Variants in NLRP8 observed in about 807,000 individuals in gnomAD.
NLRP8 encodes the protein NLR family pyrin domain containing 8.
A neutral mutation model predicts 88.7 loss-of-function variants in NLRP8; 86 were observed. The observed-to-expected ratio is 0.97, with a 90% CI of 0.81 to 1.16. The LOEUF (loss-of-function observed/expected upper bound fraction) is 1.16. Ranked by LOEUF, NLRP8 falls within the 50% of genes most tolerant of loss-of-function variation. NLRP8 has a pLI of 0.00. For synonymous variants in NLRP8, 504 were observed against 494.6 expected, an observed-to-expected ratio of 1.02 and a Z score of -0.25; for missense variants, 1,342 against 1,286.5, an observed-to-expected ratio of 1.04 and a Z score of -0.66.
intron 9 of NLRP8, among the ~76,000 whole-genome samples, chr19:55,983,096 C>T (rs1454496720): frequency 6.6e-6 from 1 of 152,126 alleles, no homozygotes; most frequent in Non-Finnish European, 1.5e-5. Context: ...TTCTTGTCTT[C>T]ATTTAAAAGA....
At position 55,988,229 on chromosome 19, in the gene NLRP8, T is replaced by TAAAA. The variant is rs3055401; in HGVS notation, c.*324_*327dup. The TAAAA allele has an allele frequency of 2.8e-4, 42 of 151,188 alleles. No homozygotes were observed. The highest frequency in any genetic ancestry group is 1.2e-3 in the South Asian group (6 of 5,062). 9.4% of individuals were successfully genotyped at this position (151,188 alleles called of 1,614,324 possible). A position where few individuals can be genotyped will look rare whatever the true frequency, so the allele number is the denominator to read the frequency against. On this transcript the variant is annotated 3_prime_UTR_variant, in exon 10 of 10. Coordinates refer to ENST00000291971, the MANE Select transcript of NLRP8 (RefSeq NM_176811.2). Reference sequence around the variant, plus strand: ...CAACATGGTGAAACCCCGCCTCTACTAAAAAAAAAAATACAAAAAATTAGG... The same window carrying TAAAA: ...CAACATGGTGAAACCCCGCCTCTACTAAAAAAAAAAAAAAATACAAAAAATTAGG...
chr19:55,962,342 C>A, intron 4 of NLRP8, 105 bp downstream of exon 4: 2 of 1,245,546 alleles, frequency 1.6e-6, no homozygotes, highest in South Asian at 1.4e-5. Context: ...CCGGAAAGCA[C>A]CCATGTCCAG....
At position 55,956,042 on chromosome 19, in the gene NLRP8, G is replaced by A. The variant is rs371255067; in HGVS notation, c.1984G>A (p.Val662Ile). 92 of 1,613,976 alleles carry A rather than the reference G, an allele frequency of 5.7e-5. No individual in the cohort carries two copies. Among genetic ancestry groups the A allele is most frequent in the African/African-American group, 3.3e-4 (25 of 74,908 alleles). Residue 662 changes from valine (V) to isoleucine (I), a missense_variant, in exon 3 of 10, where the codon GTC (valine) becomes ATC (isoleucine). Transcript: ENST00000291971. ...ATATTTGCATGAGGTGGAACTGACC[G>A]TCACCCTGAACTTCATGAACGTGTG...
At chr19:55,985,648 A>G (rs774130963) in intron 9 of NLRP8, among the ~76,000 whole-genome samples, 11 of 152,252 alleles carry the variant, frequency 7.2e-5, no homozygotes, top group Non-Finnish European at 1.6e-4. Flanking sequence ...AAAACTAATC[A>G]GAAGACCTTC....
At position 55,959,093 on chromosome 19, in the gene NLRP8, T is replaced by C. The variant is rs181904096; in HGVS notation, c.2043-2974T>C. Reference sequence around the variant, plus strand: ...CGGGGTTTCACTGTATTAGCCAGGATGGTCTCGATCTCCTGACCTCATGAT... The same window carrying C: ...CGGGGTTTCACTGTATTAGCCAGGACGGTCTCGATCTCCTGACCTCATGAT... On this transcript the variant is annotated intron_variant, in intron 3 of 9. Transcript: ENST00000291971. Among the ~76,000 whole-genome samples the C allele has an allele frequency of 4.4e-3, 657 of 149,196 alleles. 9 individuals carry two copies. Among genetic ancestry groups the C allele is most frequent in the African/African-American group, 0.015 (597 of 40,308 alleles).
chr19:55,957,670 TAATTATATATA>T (rs1426368056), intron 3 of NLRP8, among the ~76,000 whole-genome samples: 18 of 51,862 alleles, frequency 3.5e-4, no homozygotes, highest in Admixed American at 1.9e-3. Flanking sequence ...GAAAAAATAA[TAATTATATATA>T]TATATATATA....
Position 55,954,796 on chromosome 19 carries a change from A to G in NLRP8, c.738A>G (p.Gln246=), listed in dbSNP as rs151210216. The change falls in exon 3 of 10, where the codon CAA becomes CAG. Residue 246 remains glutamine, a synonymous_variant. Coordinates refer to ENST00000291971, the MANE Select transcript of NLRP8 (RefSeq NM_176811.2). ...GGTGTGCTTTCTACTTCCATTGCCAAGAGGTGAACCAGACGACAGACCAGA... is the reference window on the plus strand; with the variant it reads ...GGTGTGCTTTCTACTTCCATTGCCAGGAGGTGAACCAGACGACAGACCAGA... 30 of 1,614,200 alleles carry G rather than the reference A, an allele frequency of 1.9e-5. 1 individual carries two copies. In the Middle Eastern group the frequency reaches 2.8e-3, roughly 151 times the overall value.
chr19:55,981,944 C>T (rs1980593092), intron 9 of NLRP8, among the ~76,000 whole-genome samples: 2 of 151,598 alleles, frequency 1.3e-5, no homozygotes, highest in South Asian at 4.1e-4. Flanking sequence ...ACTCTGTCAC[C>T]ACACTGGAGT....
chr19:55,959,526 T>TTG (rs1555755306), intron 3 of NLRP8, among the ~76,000 whole-genome samples: 1 of 151,808 alleles, frequency 6.6e-6, no homozygotes, highest in Admixed American at 6.6e-5. Flanking sequence ...TGTATTTTTT[T>TTG]AAAAGGAATT....
At chr19:55,976,807 C>T (rs55772650) in intron 8 of NLRP8, among the ~76,000 whole-genome samples, 12,697 of 51,472 alleles carry the variant, frequency 0.25, 691 homozygotes, top group African/African-American at 0.37. Flanking sequence ...TGGCCAGGCG[C>T]GGTGGCTCAC....
chr19:55,984,276 A>G (rs1334426174), intron 9 of NLRP8, among the ~76,000 whole-genome samples: 1 of 152,104 alleles, frequency 6.6e-6, no homozygotes, highest in Non-Finnish European at 1.5e-5. Context: ...TGAAAATAAA[A>G]TGTATTACTA....
intron 5 of NLRP8, among the ~76,000 whole-genome samples, chr19:55,967,075 A>G (rs916425493): frequency 6.6e-6 from 1 of 152,192 alleles, no homozygotes; most frequent in Non-Finnish European, 1.5e-5. Flanking sequence ...ATTACAAACA[A>G]TTGATTTATA....
chr19:55,982,930 G>A (rs1980633753), intron 9 of NLRP8, among the ~76,000 whole-genome samples: 1 of 151,864 alleles, frequency 6.6e-6, no homozygotes, highest in Non-Finnish European at 1.5e-5. Context: ...GGGCAACAGA[G>A]TGAGACCCTG....
Position 55,955,813 on chromosome 19 carries a change from G to A in NLRP8, c.1755G>A (p.Arg585=), listed in dbSNP as rs1283782511. The A allele has an allele frequency of 5.6e-6, 9 of 1,614,052 alleles. No individual in the cohort carries two copies. Among genetic ancestry groups the A allele is most frequent in the Non-Finnish European group, 7.6e-6 (9 of 1,180,026 alleles). The change falls in exon 3 of 10, where the codon AGG becomes AGA. Residue 585 remains arginine (R), a synonymous_variant. Coordinates refer to ENST00000291971, the MANE Select transcript of NLRP8 (RefSeq NM_176811.2). ...GCAAGGTGTCTTTCGGTAATAAGAG[G>A]AAACTGCTGAAAGTCATACCTCTGT... is the stretch of plus-strand genomic sequence containing the variant.
intron 8 of NLRP8, 60 bp downstream of exon 8, chr19:55,976,363 G>T: frequency 7.2e-7 from 1 of 1,390,892 alleles, no homozygotes. Flanking sequence ...GCGTCTCTCA[G>T]GATGGAATAT....
intron 9 of NLRP8, among the ~76,000 whole-genome samples, chr19:55,983,818 C>CAAAAAAAAAAAAAAAAAAA (rs56312019): frequency 1.2e-5 from 1 of 84,658 alleles, no homozygotes; most frequent in African/African-American, 4.5e-5. Context: ...CTAGTAGATG[C>CAAAAAAAAAAAAAAAAAAA]AAAAAAAAAA....
intron 1 of NLRP8, among the ~76,000 whole-genome samples, chr19:55,950,611 G>A (rs569497928): frequency 3.9e-5 from 6 of 152,310 alleles, no homozygotes; most frequent in East Asian, 3.9e-4. Context: ...CCTCCTAGCC[G>A]AGGTCAAACA....
intron 9 of NLRP8, among the ~76,000 whole-genome samples, chr19:55,986,564 C>G (rs1222927522): frequency 6.6e-6 from 1 of 152,148 alleles, no homozygotes; most frequent in East Asian, 1.9e-4. Context: ...GCCCTCAGCA[C>G]AGGTGTGTGG....
chr19:55,953,826 G>C (rs1390329574), intron 2 of NLRP8, among the ~76,000 whole-genome samples: 2 of 92,836 alleles, frequency 2.2e-5, no homozygotes, highest in African/African-American at 8.9e-5. Flanking sequence ...TTTTAAGACA[G>C]AGTCTCACTC....
Sources: allele counts gnomAD v4.1 joint callset (sites outside exome capture counted in the v4.1 genomes callset), GRCh38; gene constraint gnomAD v4.1.1; transcripts MANE v1.5; gene names NCBI Gene and HGNC (gene_info 2026-07-23, HGNC 2026-07-21).